Variants in CPA5 observed in about 807,000 individuals in gnomAD.
CPA5 encodes testicular tissue protein Li 32.
CPA5 carries 38 observed loss-of-function variants against 52.2 expected under a neutral mutation model. That is an observed-to-expected ratio of 0.73 (90% CI 0.56 to 0.95). The LOEUF (loss-of-function observed/expected upper bound fraction) is 0.95. CPA5 is among the 40% of genes least tolerant of loss of function. CPA5 has a pLI of 0.00. For synonymous variants in CPA5, 198 were observed against 213.7 expected, an observed-to-expected ratio of 0.93 and a Z score of 0.64; for missense variants, 519 against 566.7, an observed-to-expected ratio of 0.92 and a Z score of 0.86.
intron 5 of CPA5, among the ~76,000 whole-genome samples, chr7:130,358,600 G>A (rs782648105): frequency 6.6e-6 from 1 of 152,152 alleles, no homozygotes; most frequent in Non-Finnish European, 1.5e-5. Flanking sequence ...TGCAAACAAA[G>A]GGCAACTCGC....
Position 130,362,456 on chromosome 7 carries a change from C to T in CPA5, c.553C>T (p.Arg185Trp), listed in dbSNP as rs781991130. Residue 185 changes from arginine (R) to tryptophan (W), a missense_variant, in exon 8 of 13, where the codon CGG becomes TGG. Coordinates refer to ENST00000474905, the MANE Select transcript of CPA5 (RefSeq NM_080385.5). Reference protein sequence around the residue: ...LVLKFSTGGSRHPAIWIDTGI... With the variant: ...LVLKFSTGGSWHPAIWIDTGI... ...TTCTCAGTTCAGCACTGGAGGTTCTCGGCACCCAGCCATCTGGATTGACAC... is the reference window on the plus strand; with the variant it reads ...TTCTCAGTTCAGCACTGGAGGTTCTTGGCACCCAGCCATCTGGATTGACAC... 1.6e-5 allele frequency: 25 copies of T among 1,612,710 alleles called. No individual in the cohort carries two copies. Among genetic ancestry groups the T allele is most frequent in the Middle Eastern group, 1.6e-4 (1 of 6,078 alleles).
chr7:130,369,548 G>A (rs149074924), downstream of CPA5, among the ~76,000 whole-genome samples: 1 of 152,328 alleles, frequency 6.6e-6, no homozygotes, highest in Non-Finnish European at 1.5e-5. Context: ...AGCCAAATGA[G>A]GTTGTGTAAG....
chr7:130,347,561 C>G (rs1304093051), intron 3 of CPA5, among the ~76,000 whole-genome samples: 1 of 152,180 alleles, frequency 6.6e-6, no homozygotes, highest in Non-Finnish European at 1.5e-5. Context: ...CCCACTGGCT[C>G]TAGACTGAAG....
At position 130,367,426 on chromosome 7, in the gene CPA5, A is replaced by C; in HGVS notation, c.893A>C (p.Gln298Pro). 1 of 1,614,168 alleles carries C rather than the reference A, an allele frequency of 6.2e-7. No homozygotes were observed. Among genetic ancestry groups the C allele is most frequent in the Non-Finnish European group, 8.5e-7 (1 of 1,180,044 alleles). The part of the protein sequence containing the change: ...CSETYHGPSP[Q>P]SEPEVAAIVN... The stretch of plus-strand genomic sequence containing the variant: ...GAAACTTATCACGGGCCCTCCCCTC[A>C]GTCGGAGCCGGAGGTGGCTGCCATA... Residue 298 changes from glutamine to proline, a missense_variant, in exon 11 of 13, where the codon CAG (glutamine) becomes CCG (proline). Transcript: ENST00000474905.
intron 5 of CPA5, among the ~76,000 whole-genome samples, chr7:130,354,120 G>T (rs1034231151): frequency 6.6e-6 from 1 of 152,026 alleles, no homozygotes; most frequent in African/African-American, 2.4e-5. Context: ...TAGAGATGGG[G>T]TCTGATTATG....
intron 5 of CPA5, among the ~76,000 whole-genome samples, chr7:130,358,609 G>A (rs943179902): frequency 1.3e-5 from 2 of 152,166 alleles, no homozygotes; most frequent in Non-Finnish European, 1.5e-5. Flanking sequence ...AGGGCAACTC[G>A]CGTTAATGAG....
At position 130,367,362 on chromosome 7, in the gene CPA5, T is replaced by G; in HGVS notation, c.839-10T>G. 1 of 1,613,714 alleles carries G rather than the reference T, an allele frequency of 6.2e-7. No individual in the cohort carries two copies. The highest frequency in any genetic ancestry group is 1.3e-5 in the African/African-American group (1 of 75,016). On this transcript the variant is annotated splice_polypyrimidine_tract_variant and intron_variant, in intron 10 of 12. Transcript: ENST00000474905. ...ATTTGACTCTTTGGGTGGCTTTATT[T>G]TACTTCCAGGAAATGGTTCTAACAG...
Position 130,366,688 on chromosome 7 carries a change from A to G in CPA5, c.839-684A>G, listed in dbSNP as rs572127255. On this transcript the variant is annotated intron_variant, in intron 10 of 12. Transcript: ENST00000474905. ...TCCCATATCCCCAGACCCCAAGTTCATGGCGCACCTGGGGCCATGGCTGTG... is the reference window on the plus strand; with the variant it reads ...TCCCATATCCCCAGACCCCAAGTTCGTGGCGCACCTGGGGCCATGGCTGTG... Among the ~76,000 whole-genome samples the G allele has an allele frequency of 4.6e-5, 7 of 152,310 alleles. No homozygotes were observed. The East Asian group carries it at 1.4e-3, about 29-fold the overall frequency.
chr7:130,362,579 G>A (rs782792167), intron 8 of CPA5, 40 bp downstream of exon 8: 1 of 1,421,582 alleles, frequency 7.0e-7, no homozygotes, highest in Non-Finnish European at 9.9e-7. Context: ...CCACGATGGG[G>A]GCTGCAACTG....
chr7:130,354,652 G>A (rs1183932760), intron 5 of CPA5, among the ~76,000 whole-genome samples: 8 of 152,038 alleles, frequency 5.3e-5, no homozygotes, highest in Non-Finnish European at 8.8e-5. Flanking sequence ...GGCCTCAAGT[G>A]ATCCACCTGC....
intron 10 of CPA5, among the ~76,000 whole-genome samples, chr7:130,364,717 C>T (rs1246191278): frequency 2.6e-5 from 4 of 152,254 alleles, no homozygotes; most frequent in African/African-American, 9.6e-5. Flanking sequence ...CTGGTGCATA[C>T]CTGCAGAGCT....
At position 130,368,462 on chromosome 7, in the gene CPA5, C is replaced by T. The variant is rs781892428; in HGVS notation, c.1176C>T (p.Tyr392=). The change falls in exon 13 of 13, where the codon TAC becomes TAT. Residue 392 remains tyrosine, a synonymous_variant. Transcript: ENST00000474905. ...GGGCCTATGACAGTGGCATCAAGTA[C>T]GCCTTCAGCTTTGAGCTCCGGGACA... ...VDWAYDSGIK[Y]AFSFELRDTG... is the part of the protein sequence containing the mutation. The T allele has an allele frequency of 5.0e-6, 8 of 1,614,010 alleles. No homozygotes were observed. The highest frequency in any genetic ancestry group is 2.7e-5 in the African/African-American group (2 of 74,906).
intron 6 of CPA5, 64 bp downstream of exon 6, chr7:130,359,751 T>G: frequency 8.5e-7 from 1 of 1,172,656 alleles, no homozygotes; most frequent in Non-Finnish European, 1.2e-6. Context: ...GTCTCCTGAC[T>G]CAGTCAGAAA....
intron 10 of CPA5, among the ~76,000 whole-genome samples, chr7:130,364,271 C>T (rs1554407612): frequency 6.6e-6 from 1 of 152,216 alleles, no homozygotes; most frequent in Non-Finnish European, 1.5e-5. Context: ...TGGCTCACTG[C>T]AATGTCTGCC....
intron 1 of CPA5, chr7:130,345,465 C>G (rs1794678946): frequency 6.6e-6 from 1 of 152,298 alleles, no homozygotes; most frequent in South Asian, 2.1e-4. Flanking sequence ...CTTTCTCCTT[C>G]CAACATGACT....
At chr7:130,350,334 C>A (rs529060040) in intron 5 of CPA5, among the ~76,000 whole-genome samples, 1 of 152,086 alleles carries the variant, frequency 6.6e-6, no homozygotes, top group Non-Finnish European at 1.5e-5. Context: ...GTGGAGAGGA[C>A]GCCTGTGATG....
At chr7:130,359,214 AC>A (rs1795658784) in intron 5 of CPA5, among the ~76,000 whole-genome samples, 1 of 152,198 alleles carries the variant, frequency 6.6e-6, no homozygotes, top group Non-Finnish European at 1.5e-5. Context: ...CCCCAAAAAC[AC>A]CTTCAAATCC....
chr7:130,364,364 TG>T (rs1272181894), intron 10 of CPA5, among the ~76,000 whole-genome samples: 1 of 152,180 alleles, frequency 6.6e-6, no homozygotes, highest in Non-Finnish European at 1.5e-5. Context: ...GGCTAATTTT[TG>T]TATTTTTAGT....
intron 4 of CPA5, among the ~76,000 whole-genome samples, chr7:130,348,297 T>A (rs190954782): frequency 6.6e-6 from 1 of 152,172 alleles, no homozygotes; most frequent in Admixed American, 6.5e-5. Context: ...CCTGAGAACA[T>A]TTGTCCTCTG....
Sources: gnomAD v4.1 joint callset for allele counts (sites outside exome capture counted in the v4.1 genomes callset) on GRCh38, gnomAD v4.1.1 for gene constraint, MANE v1.5 for transcripts, NCBI Gene and HGNC (gene_info 2026-07-23, HGNC 2026-07-21) for gene names.